Variants in S100A16 observed in about 807,000 individuals in gnomAD.
The protein encoded by S100A16 is S100 calcium binding protein A16.
In S100A16, 8 loss-of-function variants were observed where a neutral mutation model predicts 9.0. That is an observed-to-expected ratio of 0.89 (90% CI 0.52 to 1.60). The LOEUF (loss-of-function observed/expected upper bound fraction) is 1.60, where lower values mean the gene tolerates loss of function less well. S100A16 is among the 40% of genes most tolerant of loss of function. The pLI is 0.00. For missense variants in S100A16, 138 were observed against 132.4 expected, an observed-to-expected ratio of 1.04 and a Z score of -0.21; for synonymous variants, 51 against 51.4, an observed-to-expected ratio of 0.99 and a Z score of 0.04.
intron 2 of S100A16, 105 bp from the exon 3 acceptor site, chr1:153,607,797 C>T: frequency 6.9e-7 from 1 of 1,443,092 alleles, no homozygotes. Context: ...AGCTGCTTCC[C>T]TTGGGAAATG....
chr1:153,608,626 C>T (rs926981633), intron 1 of S100A16, among the ~76,000 whole-genome samples: 3 of 147,712 alleles, frequency 2.0e-5, no homozygotes, highest in East Asian at 1.9e-4. Context: ...CTGCCTCCCA[C>T]TCCCAGGACT....
intron 1 of S100A16, among the ~76,000 whole-genome samples, chr1:153,608,501 GGAAGA>G (rs1387714565): frequency 1.3e-5 from 2 of 152,200 alleles, no homozygotes; most frequent in Admixed American, 6.5e-5. Context: ...GGCTCTCATG[GGAAGA>G]GAAGAGTCCA....
At position 153,607,669 on chromosome 1, in the gene S100A16, C is replaced by T. The variant is rs144537408; in HGVS notation, c.177G>A (p.Ala59=). ...MLSDTGNRKA[A]DKLIQNLDAN... Reference sequence around the variant, plus strand: ...CATCCAGGTTCTGGATGAGCTTATCCGCAGCCTTCCGGTTCCCTGTGTCCT... The same window carrying T: ...CATCCAGGTTCTGGATGAGCTTATCTGCAGCCTTCCGGTTCCCTGTGTCCT... The change falls in exon 3 of 3, where the codon GCG becomes GCA. Residue 59 remains alanine (A), a synonymous_variant. Coordinates refer to ENST00000368706, the MANE Select transcript of S100A16 (RefSeq NM_080388.3). 6.9e-5 allele frequency: 111 copies of T among 1,614,020 alleles called. No individual in the cohort carries two copies. Among genetic ancestry groups the T allele is most frequent in the African/African-American group, 4.0e-5 (3 of 74,918 alleles).
At position 153,608,036 on chromosome 1, in the gene S100A16, C is replaced by G; in HGVS notation, c.116G>C (p.Arg39Pro). Residue 39 changes from arginine to proline, a missense_variant, in exon 2 of 3, where the codon CGC becomes CCC. By Grantham distance (103) the Arg-to-Pro change is moderately radical. Coordinates refer to ENST00000368706, the MANE Select transcript of S100A16 (RefSeq NM_080388.3). ...VKNKISKSSF[R>P]EMLQKELNHM... ...GTTCAGCTCTTTCTGGAGCATCTCG[C>G]GGAAGCTGCTCTTGCTGATCTTGTT... The G allele has an allele frequency of 6.2e-7, 1 of 1,614,040 alleles. No individual in the cohort carries two copies. The highest frequency in any genetic ancestry group is 8.5e-7 in the Non-Finnish European group (1 of 1,179,950).
chr1:153,610,306 T>C (rs937381177), intron 1 of S100A16, among the ~76,000 whole-genome samples: 1 of 152,100 alleles, frequency 6.6e-6, no homozygotes, highest in Non-Finnish European at 1.5e-5. Context: ...ACCATCCCAA[T>C]CCTTGTTCCC....
chr1:153,612,444 C>T (rs1170427308), intron 1 of S100A16, among the ~76,000 whole-genome samples: 1 of 150,758 alleles, frequency 6.6e-6, no homozygotes, highest in Non-Finnish European at 1.5e-5. Context: ...CTGCTTGGGT[C>T]GTGAGGTAGA....
At chr1:153,609,650 A>T (rs1235816096) in intron 1 of S100A16, among the ~76,000 whole-genome samples, 1 of 152,162 alleles carries the variant, frequency 6.6e-6, no homozygotes, top group African/African-American at 2.4e-5. Flanking sequence ...TCAATCCTGG[A>T]TATACACCAC....
At position 153,607,630 on chromosome 1, in the gene S100A16, C is replaced by G; in HGVS notation, c.216G>C (p.Gly72=). ...LIQNLDANHD[G]RISFDEYWTL... is the part of the protein sequence containing the mutation. ...TCCAGTACTCATCGAAGCTGATGCG[C>G]CCATCATGATTGGCATCCAGGTTCT... Residue 72 remains glycine (G), a synonymous_variant, in exon 3 of 3, where the codon GGG becomes GGC. Coordinates refer to ENST00000368706, the MANE Select transcript of S100A16 (RefSeq NM_080388.3). The G allele has an allele frequency of 6.2e-7, 1 of 1,614,190 alleles. No homozygotes were observed. Among genetic ancestry groups the G allele is most frequent in the South Asian group, 1.1e-5 (1 of 91,088 alleles).
chr1:153,609,100 A>AC (rs983885720), intron 1 of S100A16: 30 of 983,168 alleles, frequency 3.1e-5, no homozygotes, highest in African/African-American at 1.1e-4. Flanking sequence ...CATGCCCAAA[A>AC]CCCCCCCACA....
chr1:153,610,626 C>T (rs1666813055), intron 1 of S100A16, among the ~76,000 whole-genome samples: 2 of 152,332 alleles, frequency 1.3e-5, no homozygotes, highest in South Asian at 4.1e-4. Context: ...GCTCCCAGCC[C>T]CTCCTCCCAG....
intron 1 of S100A16, among the ~76,000 whole-genome samples, chr1:153,611,951 A>ACACACACACG (rs1459742210): frequency 6.8e-6 from 1 of 147,270 alleles, no homozygotes; most frequent in Non-Finnish European, 1.5e-5. Context: ...ACACACACAC[A>ACACACACACG]CCGAGCAAGG....
At chr1:153,611,287 C>A (rs1666831044) in intron 1 of S100A16, among the ~76,000 whole-genome samples, 3 of 149,522 alleles carry the variant, frequency 2.0e-5, no homozygotes, top group Admixed American at 1.3e-4. Context: ...CCTAACCACC[C>A]CTAGCATCCC....
At chr1:153,611,885 G>C (rs567831425) in intron 1 of S100A16, among the ~76,000 whole-genome samples, 7 of 135,714 alleles carry the variant, frequency 5.2e-5, no homozygotes, top group Non-Finnish European at 9.7e-5. Context: ...CATCCTCACA[G>C]GATTCTGCGT....
Position 153,607,564 on chromosome 1 carries a change from G to A in S100A16, c.282C>T (p.Ile94=). 6.2e-7 allele frequency: 1 copy of A among 1,614,218 alleles called. No homozygotes were observed. Among genetic ancestry groups the A allele is most frequent in the Non-Finnish European group, 8.5e-7 (1 of 1,180,012 alleles). Residue 94 remains isoleucine, a synonymous_variant, in exon 3 of 3, where the codon ATC becomes ATT. Coordinates refer to ENST00000368706, the MANE Select transcript of S100A16 (RefSeq NM_080388.3). ...TGCTGCTCTGCTGCTCCTGCTCATG[G>A]ATGAGTTTGGCGATGGGGCCGGTGA... ...GGITGPIAKL[I]HEQEQQSSS
intron 1 of S100A16, among the ~76,000 whole-genome samples, chr1:153,611,302 C>G (rs1279134060): frequency 1.3e-5 from 2 of 149,564 alleles, no homozygotes; most frequent in African/African-American, 2.5e-5. Context: ...CATCCCCAGG[C>G]TCCTTCCGTC....
Position 153,607,232 on chromosome 1 carries a change from C to T in S100A16, c.*302G>A. On this transcript the variant is annotated 3_prime_UTR_variant, in exon 3 of 3. Coordinates refer to ENST00000368706, the MANE Select transcript of S100A16 (RefSeq NM_080388.3). ...GCAGGAATTTGGCAGGAACATCAGA[C>T]ATTGGAAGGTTAGATGAGACTGAAC... 4.1e-6 allele frequency: 2 copies of T among 486,136 alleles called. No homozygotes were observed. The highest frequency in any genetic ancestry group is 7.6e-6 in the Non-Finnish European group (2 of 263,598). 30.1% of individuals were successfully genotyped at this position (486,136 alleles called of 1,614,324 possible).
rs749518324 is a variant in S100A16, at chr1:153,607,094, T to TCTGCTGCTG, written c.*431_*439dup. On this transcript the variant is annotated 3_prime_UTR_variant, in exon 3 of 3. Coordinates refer to ENST00000368706, the MANE Select transcript of S100A16 (RefSeq NM_080388.3). ...GGGGCTAAGGGAAAGTGGAGAGGTC[T>TCTGCTGCTG]CTGCTGCTGCTGCTGCTGCTGCTGC... 46 of 440,700 alleles carry TCTGCTGCTG rather than the reference T, an allele frequency of 1.0e-4. 6 individuals carry two copies. Among genetic ancestry groups the TCTGCTGCTG allele is most frequent in the African/African-American group, 1.8e-4 (9 of 49,320 alleles). 27.3% of individuals were successfully genotyped at this position (440,700 alleles called of 1,614,324 possible).
Position 153,607,418 on chromosome 1 carries a change from T to C in S100A16, c.*116A>G, listed in dbSNP as rs1666716234. 4 of 1,219,022 alleles carry C rather than the reference T, an allele frequency of 3.3e-6. No homozygotes were observed. Among genetic ancestry groups the C allele is most frequent in the Non-Finnish European group, 4.7e-6 (4 of 848,436 alleles). The allele number at this position is 1,219,022 out of a possible 1,614,324, so 75.5% of individuals were successfully genotyped here. ...GTTCAGCAAGGGTCAGAGGAAGGTC[T>C]GGAGGGAGAAGAGAGTAAAGGGCCC... On this transcript the variant is annotated 3_prime_UTR_variant, in exon 3 of 3. Transcript: ENST00000368706.
chr1:153,612,060 G>A (rs1177509042), intron 1 of S100A16, among the ~76,000 whole-genome samples: 2 of 151,884 alleles, frequency 1.3e-5, no homozygotes, highest in African/African-American at 4.8e-5. Flanking sequence ...ATTTTTCCAG[G>A]CAAGTGAAGT....
Sources: gnomAD v4.1 joint callset for allele counts (sites outside exome capture counted in the v4.1 genomes callset) on GRCh38, gnomAD v4.1.1 for gene constraint, MANE v1.5 for transcripts, NCBI Gene and HGNC (gene_info 2026-07-23, HGNC 2026-07-21) for gene names.